SIRPG: variants seen among roughly 807,000 people sequenced by gnomAD.
The protein encoded by SIRPG is signal regulatory protein gamma, also known as signal-regulatory protein gamma.
In SIRPG, 38 loss-of-function variants were observed where a neutral mutation model predicts 35.7. The observed-to-expected ratio is 1.06, with a 90% confidence interval of 0.82 to 1.40. SIRPG has a LOEUF of 1.40. Ranked by LOEUF, SIRPG falls within the 40% of genes most tolerant of loss-of-function variation. The pLI, the probability that SIRPG is intolerant of heterozygous loss-of-function variation, is 0.00. For synonymous variants in SIRPG, 215 were observed against 190.4 expected (o/e 1.13, Z -1.06); for missense variants, 519 against 483.0 (o/e 1.07, Z -0.70).
At chr20:1,654,973 G>A (rs77088763) in intron 1 of SIRPG, among the ~76,000 whole-genome samples, 2,162 of 152,172 alleles carry the variant, frequency 0.014, 72 homozygotes, top group African/African-American at 0.048. Context: ...AATTAAAACC[G>A]CAGTGGGCTA....
At chr20:1,658,535 G>GA (rs1205139393), upstream of SIRPG, among the ~76,000 whole-genome samples, 6 of 152,260 alleles carry the variant, frequency 3.9e-5, no homozygotes, top group Admixed American at 3.9e-4. Flanking sequence ...ACTGAGTTCG[G>GA]ATGGGAAATG....
At chr20:1,685,009 G>A in the SIRPG span, among the ~76,000 whole-genome samples, 1 of 152,200 alleles carries the variant, frequency 6.6e-6, no homozygotes, top group African/African-American at 2.4e-5. Context: ...TTGTCCTCTA[G>A]GACCTGTGAG....
At chr20:1,632,562 A>G (rs2091759885) in intron 4 of SIRPG, among the ~76,000 whole-genome samples, 1 of 152,188 alleles carries the variant, frequency 6.6e-6, no homozygotes, top group African/African-American at 2.4e-5. Flanking sequence ...TGAATAACTG[A>G]AAAGCAAATG....
chr20:1,651,639 C>T (rs1228397458), intron 1 of SIRPG, among the ~76,000 whole-genome samples: 2 of 152,082 alleles, frequency 1.3e-5, no homozygotes. Context: ...TTATTCTAAA[C>T]CGGGGTAGCA....
the SIRPG span, among the ~76,000 whole-genome samples, chr20:1,684,468 T>C: frequency 6.6e-6 from 1 of 152,176 alleles, no homozygotes; most frequent in Non-Finnish European, 1.5e-5. Flanking sequence ...TCTGTCCTTA[T>C]ACTATATAAA....
rs2091731949 is a variant in SIRPG at position 1,629,440 on chromosome 20, AC to A, written c.*198del. ...CACCTGCTCAGGACCATGAATGAAG[AC>A]CTTGCTCTGGGGCATCCAGGTCTGT... On this transcript the variant is annotated 3_prime_UTR_variant, in exon 6 of 6. Transcript: ENST00000303415. The A allele has an allele frequency of 6.6e-6, 1 of 152,146 alleles. No homozygotes were observed. The allele number at this position is 152,146 out of a possible 1,614,324, so 9.4% of individuals were successfully genotyped here.
upstream of SIRPG, among the ~76,000 whole-genome samples, chr20:1,662,229 C>G (rs772147082): frequency 6.6e-6 from 1 of 152,124 alleles, no homozygotes; most frequent in African/African-American, 2.4e-5. Context: ...GAACCAGTGC[C>G]GGGGAAGGAA....
chr20:1,652,581 A>G (rs1185897777), intron 1 of SIRPG, among the ~76,000 whole-genome samples: 1 of 152,216 alleles, frequency 6.6e-6, no homozygotes, highest in African/African-American at 2.4e-5. Flanking sequence ...TTCTACAAAT[A>G]TTTATTTATA....
At chr20:1,660,339 C>T (rs1202135105), upstream of SIRPG, among the ~76,000 whole-genome samples, 1 of 152,174 alleles carries the variant, frequency 6.6e-6, no homozygotes, top group African/African-American at 2.4e-5. Context: ...CACAGAGACA[C>T]ACCCAAACAA....
chr20:1,650,114 G>A (rs1307551261), intron 1 of SIRPG, among the ~76,000 whole-genome samples: 1 of 149,256 alleles, frequency 6.7e-6, no homozygotes, highest in Non-Finnish European at 1.5e-5. Flanking sequence ...GTCTTTTGCA[G>A]GCTAGTTTTT....
chr20:1,667,024 A>G, the SIRPG span, among the ~76,000 whole-genome samples: 265 of 151,918 alleles, frequency 1.7e-3, no homozygotes, highest in African/African-American at 5.9e-3. Flanking sequence ...TGATACTCCC[A>G]CTACTGAGAC....
the SIRPG span, among the ~76,000 whole-genome samples, chr20:1,673,497 T>A: frequency 6.3e-4 from 96 of 152,008 alleles, no homozygotes; most frequent in African/African-American, 1.8e-3. Context: ...TGTGACTGTT[T>A]TCAGGAGGTT....
At chr20:1,646,895 C>CA (rs2091901966) in intron 2 of SIRPG, 1 of 152,378 alleles carries the variant, frequency 6.6e-6, no homozygotes, top group African/African-American at 2.4e-5. Flanking sequence ...GATCCACCCA[C>CA]CTCGGCCTCC....
the SIRPG span, among the ~76,000 whole-genome samples, chr20:1,682,355 C>T: frequency 6.6e-6 from 1 of 152,070 alleles, no homozygotes; most frequent in African/African-American, 2.4e-5. Flanking sequence ...AAGGATGGGT[C>T]GATATTCAGC....
At chr20:1,668,478 T>G in the SIRPG span, among the ~76,000 whole-genome samples, 1 of 151,998 alleles carries the variant, frequency 6.6e-6, no homozygotes, top group Admixed American at 6.6e-5. Flanking sequence ...GAGATGGGGT[T>G]TCACCATGTT....
intron 4 of SIRPG, among the ~76,000 whole-genome samples, chr20:1,634,870 C>T (rs1057067761): frequency 1.5e-4 from 23 of 151,696 alleles, no homozygotes; most frequent in Non-Finnish European, 2.4e-4. Context: ...GGTGAAACCC[C>T]ATCTCTACTA....
chr20:1,664,187 C>T, the SIRPG span, among the ~76,000 whole-genome samples: 1 of 152,188 alleles, frequency 6.6e-6, no homozygotes, highest in African/African-American at 2.4e-5. Context: ...GATGTATCTG[C>T]CCCCATGACT....
At chr20:1,635,188 G>T in intron 4 of SIRPG, 79 bp downstream of exon 4, 2 of 1,177,022 alleles carry the variant, frequency 1.7e-6, no homozygotes, top group Non-Finnish European at 2.4e-6. Context: ...TAGACTTCTA[G>T]CTTATTTTAC....
At chr20:1,632,413 G>C (rs966812693) in intron 4 of SIRPG, among the ~76,000 whole-genome samples, 9 of 152,146 alleles carry the variant, frequency 5.9e-5, no homozygotes, top group African/African-American at 1.9e-4. Flanking sequence ...TAACCACAAG[G>C]CATCTTGCAT....
Sources: allele counts gnomAD v4.1 joint callset (sites outside exome capture counted in the v4.1 genomes callset), GRCh38; gene constraint gnomAD v4.1.1; transcripts MANE v1.5; gene names NCBI Gene and HGNC (gene_info 2026-07-23, HGNC 2026-07-21).